Variants in BTAF1 observed in about 807,000 individuals in gnomAD.
BTAF1 encodes B-TFIID TATA-box binding protein associated factor 1, also known as TATA-binding protein-associated factor 172.
In BTAF1, 38 loss-of-function variants were observed where a neutral mutation model predicts 227.1. The observed-to-expected ratio is 0.17, with a 90% CI of 0.13 to 0.22. The LOEUF is 0.22. BTAF1 is among the 10% of genes least tolerant of loss of function. BTAF1 has a pLI of 1.00. For missense variants in BTAF1, 1,598 were observed against 2,204.0 expected (o/e 0.73, Z 5.51); for synonymous variants, 742 against 751.9 (o/e 0.99, Z 0.21).
At chr10:91,974,467 A>G (rs1847541903) in intron 14 of BTAF1, among the ~76,000 whole-genome samples, 3 of 152,164 alleles carry the variant, frequency 2.0e-5, no homozygotes, top group Non-Finnish European at 4.4e-5. Context: ...GTGAAAATAT[A>G]TTGTTTAATC....
intron 1 of BTAF1, among the ~76,000 whole-genome samples, chr10:91,933,543 A>G (rs947417747): frequency 6.6e-6 from 1 of 152,198 alleles, no homozygotes; most frequent in Admixed American, 6.5e-5. Context: ...ACAGGGTAAT[A>G]TAATGTGCAA....
intron 3 of BTAF1, 82 bp from the exon 4 acceptor site, chr10:91,942,325 TGTGTGTAACCCATGC>T: frequency 2.4e-6 from 2 of 816,594 alleles, no homozygotes; most frequent in Non-Finnish European, 3.9e-6. Context: ...TGTGTGTGTG[TGTGTGTAACCCATGC>T]AACCCAAGTA....
At chr10:92,018,284 A>G (rs1250288943) in intron 33 of BTAF1, among the ~76,000 whole-genome samples, 1 of 152,088 alleles carries the variant, frequency 6.6e-6, no homozygotes, top group African/African-American at 2.4e-5. Context: ...AGGTTTCACC[A>G]TGTTGGCCAG....
chr10:92,000,522 T>A (rs1228336926), intron 25 of BTAF1, among the ~76,000 whole-genome samples: 2 of 152,194 alleles, frequency 1.3e-5, no homozygotes, highest in Non-Finnish European at 2.9e-5. Flanking sequence ...ACTCTAATGC[T>A]TAGCAGTAGT....
In BTAF1 at chr10:91,939,942, A is replaced by T. The variant is rs769912107; in HGVS notation, c.139-10A>T. The T allele has an allele frequency of 6.3e-6, 10 of 1,576,926 alleles. No individual in the cohort carries two copies. In the Admixed American group the frequency reaches 1.2e-4, roughly 19 times the overall value. On this transcript the variant is annotated splice_polypyrimidine_tract_variant and intron_variant, in intron 2 of 37. Coordinates refer to ENST00000265990, the MANE Select transcript of BTAF1 (RefSeq NM_003972.3). ...TTTGTATACGTAACTTTTATTTTATAATTTTTAAGGTGTTGATATATTTAA... is the reference window on the plus strand; with the variant it reads ...TTTGTATACGTAACTTTTATTTTATTATTTTTAAGGTGTTGATATATTTAA...
At chr10:91,957,141 A>G in intron 7 of BTAF1, 84 bp from the exon 8 acceptor site, 1 of 1,124,124 alleles carries the variant, frequency 8.9e-7, no homozygotes, top group South Asian at 1.5e-5. Context: ...TACTAGACCT[A>G]GAAATAAAAT....
chr10:92,029,562 G>A lies in BTAF1; in HGVS notation c.*629G>A, dbSNP rs1851759605. 2.6e-5 allele frequency: 4 copies of A among 151,554 alleles called. No homozygotes were observed. The highest frequency in any genetic ancestry group is 2.6e-4 in the Admixed American group (4 of 15,212). 9.4% of individuals were successfully genotyped at this position (151,554 alleles called of 1,614,324 possible). A position where few individuals can be genotyped will look rare whatever the true frequency, so the allele number is the denominator to read the frequency against. ...ATAATATCAACTATTCTAAATACAG[G>A]TAATGGTATATTTAAGGCTACCATA... On this transcript the variant is annotated 3_prime_UTR_variant, in exon 38 of 38. Transcript: ENST00000265990.
chr10:91,935,241 G>T (rs1014814648), intron 1 of BTAF1: 1 of 155,494 alleles, frequency 6.4e-6, no homozygotes, highest in Non-Finnish European at 1.4e-5. Flanking sequence ...ATTTCTTTGT[G>T]TTGGGAACAT....
chr10:91,955,656 T>A (rs1229617238), intron 6 of BTAF1, among the ~76,000 whole-genome samples: 1 of 152,092 alleles, frequency 6.6e-6, no homozygotes, highest in Non-Finnish European at 1.5e-5. Context: ...TCAATAGTTT[T>A]AAATAGTTTA....
chr10:91,991,913 C>T lies in BTAF1; in HGVS notation c.2855-206C>T, dbSNP rs1446118777. On this transcript the variant is annotated intron_variant, in intron 20 of 37. Coordinates refer to ENST00000265990, the MANE Select transcript of BTAF1 (RefSeq NM_003972.3). ...GTGCTGTTTCTCATTGTTCAGATGG[C>T]TCTGCAACCTGGATTGTATTAGGTA... Among the ~76,000 whole-genome samples the T allele has an allele frequency of 3.3e-5, 5 of 151,604 alleles. No individual in the cohort carries two copies. In the East Asian group the frequency reaches 9.7e-4, roughly 29 times the overall value.
At chr10:92,005,024 C>A (rs1849785100) in intron 25 of BTAF1, among the ~76,000 whole-genome samples, 1 of 152,098 alleles carries the variant, frequency 6.6e-6, no homozygotes, top group African/African-American at 2.4e-5. Context: ...CTTGTGTGTT[C>A]TTTTGTCAAA....
chr10:92,016,524 G>A, intron 33 of BTAF1, 59 bp downstream of exon 33: 11 of 1,427,490 alleles, frequency 7.7e-6, no homozygotes, highest in Middle Eastern at 2.6e-4. Context: ...TGTCATCTAG[G>A]CTAGAGTGCA....
chr10:91,927,061 C>G (rs973190725), intron 1 of BTAF1, among the ~76,000 whole-genome samples: 5 of 152,072 alleles, frequency 3.3e-5, no homozygotes, highest in African/African-American at 1.2e-4. Context: ...TTTTGTTACC[C>G]CCTACTGTTT....
intron 1 of BTAF1, among the ~76,000 whole-genome samples, chr10:91,929,023 A>G (rs759927113): frequency 3.9e-5 from 6 of 152,096 alleles, no homozygotes; most frequent in South Asian, 2.1e-4. Context: ...CATGTTGCCC[A>G]GGCTGGTTGC....
chr10:91,948,238 T>C (rs1489424233), intron 4 of BTAF1, among the ~76,000 whole-genome samples: 1 of 141,616 alleles, frequency 7.1e-6, no homozygotes, highest in Non-Finnish European at 1.5e-5. Flanking sequence ...AGTTCCCACC[T>C]ATGAGTGAGA....
chr10:91,938,989 AGGG>A (rs56966522), intron 2 of BTAF1, among the ~76,000 whole-genome samples: 5 of 54,964 alleles, frequency 9.1e-5, no homozygotes, highest in Non-Finnish European at 1.3e-4. Context: ...AAAAAAAAAA[AGGG>A]GGGGGGGATT....
In BTAF1 at chr10:92,008,818, C is replaced by T. The variant is rs774697354; in HGVS notation, c.3814-11C>T. 1.9e-6 allele frequency: 3 copies of T among 1,552,614 alleles called. No homozygotes were observed. Among genetic ancestry groups the T allele is most frequent in the South Asian group, 2.5e-5 (2 of 81,114 alleles). Reference sequence around the variant, plus strand: ...TGATGTATTCACATTTATGATTTTTCTCTCTATCAGGATGGTGTGAACTGG... The same window carrying T: ...TGATGTATTCACATTTATGATTTTTTTCTCTATCAGGATGGTGTGAACTGG... On this transcript the variant is annotated splice_polypyrimidine_tract_variant and intron_variant, in intron 26 of 37. Transcript: ENST00000265990.
chr10:91,983,944 T>A (rs181573484), intron 18 of BTAF1, among the ~76,000 whole-genome samples: 55 of 152,188 alleles, frequency 3.6e-4, no homozygotes, highest in Non-Finnish European at 7.4e-4. Context: ...TATATACACG[T>A]GTAAACTTTG....
Position 91,981,799 on chromosome 10 carries a change from G to A in BTAF1, c.1905+7G>A. 1.2e-6 allele frequency: 2 copies of A among 1,610,128 alleles called. No individual in the cohort carries two copies. Among genetic ancestry groups the A allele is most frequent in the African/African-American group, 1.3e-5 (1 of 74,776 alleles). ...AGTAAAAGCTAGAGCCAAGGTAAGT[G>A]TAGAGGGACATAGTGTATTTGTGTG... On this transcript the variant is annotated splice_region_variant and intron_variant, in intron 16 of 37. Coordinates refer to ENST00000265990, the MANE Select transcript of BTAF1 (RefSeq NM_003972.3).
Sources: allele counts gnomAD v4.1 joint callset (sites outside exome capture counted in the v4.1 genomes callset), GRCh38; gene constraint gnomAD v4.1.1; transcripts MANE v1.5; gene names NCBI Gene and HGNC (gene_info 2026-07-23, HGNC 2026-07-21).